The following PTPN1 variants were observed in gnomAD, a reference collection of about 807,000 sequenced individuals.
PTPN1 encodes tyrosine-protein phosphatase non-receptor type 1.
PTPN1 carries 12 observed loss-of-function variants against 59.9 expected under a neutral mutation model. That is an observed-to-expected ratio of 0.20 (90% confidence interval 0.13 to 0.32). PTPN1 has a LOEUF of 0.32. PTPN1 is among the 10% of genes least tolerant of loss of function. The pLI is 1.00. For missense variants in PTPN1, 356 were observed against 549.2 expected, an observed-to-expected ratio of 0.65 and a Z score of 3.52; for synonymous variants, 178 against 203.6, an observed-to-expected ratio of 0.87 and a Z score of 1.07.
Position 50,578,508 on chromosome 20 carries a change from T to C in PTPN1, c.581T>C (p.Phe194Ser). 1 of 1,614,238 alleles carries C rather than the reference T, an allele frequency of 6.2e-7. No individual in the cohort carries two copies. Among genetic ancestry groups the C allele is most frequent in the Non-Finnish European group, 8.5e-7 (1 of 1,180,040 alleles). The change falls in exon 6 of 10, where the codon TTT (phenylalanine) becomes TCT (serine). Residue 194 changes from phenylalanine (F) to serine (S), a missense_variant. Physicochemically the swap from Phe to Ser is radical, Grantham distance 155. This residue lies in a region of PTPN1 where 194 missense variants were observed against 344.2 expected (regional missense o/e 0.56). Coordinates refer to ENST00000371621, the MANE Select transcript of PTPN1 (RefSeq NM_002827.4). The stretch of plus-strand genomic sequence containing the variant: ...GAATCACCAGCCTCATTCTTGAACT[T>C]TCTTTTCAAAGTCCGAGAGTCAGGG... ...VPESPASFLN[F>S]LFKVRESGSL... is the part of the protein sequence containing the mutation.
In PTPN1 at chr20:50,578,405, ATT is replaced by A; in HGVS notation, c.493-11_493-10del. The A allele has an allele frequency of 6.3e-7, 1 of 1,599,982 alleles. No homozygotes were observed. Among genetic ancestry groups the A allele is most frequent in the African/African-American group, 1.3e-5 (1 of 74,590 alleles). On this transcript the variant is annotated splice_polypyrimidine_tract_variant and intron_variant, in intron 5 of 9. Transcript: ENST00000371621. ...TGATTCTTTTAGAATCATCATGAGT[ATT>A]TTTCTCTTTCAGACCCAAGAAACTC...
intron 1 of PTPN1, among the ~76,000 whole-genome samples, chr20:50,554,256 C>A (rs1225412184): frequency 6.6e-6 from 1 of 152,154 alleles, no homozygotes; most frequent in Non-Finnish European, 1.5e-5. Context: ...ATGTGGAGGT[C>A]CACACCTGTA....
At chr20:50,529,919 G>T (rs1305651872) in intron 1 of PTPN1, among the ~76,000 whole-genome samples, 1 of 152,106 alleles carries the variant, frequency 6.6e-6, no homozygotes, top group Non-Finnish European at 1.5e-5. Context: ...CTGTCGCCCA[G>T]GCTGGAGTGC....
intron 1 of PTPN1, among the ~76,000 whole-genome samples, chr20:50,514,900 A>G (rs1318502929): frequency 6.6e-6 from 1 of 152,092 alleles, no homozygotes; most frequent in Non-Finnish European, 1.5e-5. Flanking sequence ...GGGACTTTGG[A>G]GTAGTTGGTG....
At chr20:50,526,218 G>C (rs1158448618) in intron 1 of PTPN1, among the ~76,000 whole-genome samples, 1 of 151,978 alleles carries the variant, frequency 6.6e-6, no homozygotes, top group East Asian at 1.9e-4. Flanking sequence ...CTTGCCTTCT[G>C]TTGTTGTATT....
In PTPN1 at chr20:50,570,114, C is replaced by T. The variant is rs182325149; in HGVS notation, c.354+1636C>T. On this transcript the variant is annotated intron_variant, in intron 4 of 9. Coordinates refer to ENST00000371621, the MANE Select transcript of PTPN1 (RefSeq NM_002827.4). ...GCCACCTTTCCAAAAAAAGCACAGTCATGGCCCTAGAATGTAAAAAATCCA... is the reference window on the plus strand; with the variant it reads ...GCCACCTTTCCAAAAAAAGCACAGTTATGGCCCTAGAATGTAAAAAATCCA... Among the ~76,000 whole-genome samples the T allele has an allele frequency of 3.9e-5, 6 of 152,358 alleles. No individual in the cohort carries two copies. In the East Asian group the frequency reaches 1.2e-3, roughly 29 times the overall value.
Position 50,579,759 on chromosome 20 carries a change from C to T in PTPN1, c.921C>T (p.Pro307=), listed in dbSNP as rs773688523. 7 of 1,613,460 alleles carry T rather than the reference C, an allele frequency of 4.3e-6. No individual in the cohort carries two copies. The highest frequency in any genetic ancestry group is 5.9e-6 in the Non-Finnish European group (7 of 1,179,972). The change falls in exon 8 of 10, where the codon CCC becomes CCT. Residue 307 remains proline (P), a synonymous_variant. Transcript: ENST00000371621. ...EDLEPPPEHI[P]PPPRPPKRIL... is the part of the protein sequence containing the mutation. ...TGGAGCCCCCACCCGAGCATATCCC[C>T]CCACCTCCCCGGCCACCCAAACGAA...
chr20:50,528,678 C>G (rs1279863085), intron 1 of PTPN1, among the ~76,000 whole-genome samples: 1 of 146,224 alleles, frequency 6.8e-6, no homozygotes, highest in Non-Finnish European at 1.5e-5. Flanking sequence ...CACTCCACTG[C>G]ACTCCAGCCT....
intron 1 of PTPN1, among the ~76,000 whole-genome samples, chr20:50,550,663 C>G (rs550072472): frequency 1.3e-5 from 2 of 152,200 alleles, no homozygotes; most frequent in African/African-American, 4.8e-5. Flanking sequence ...GCTTTGGGAA[C>G]CTTTGAAGTA....
intron 1 of PTPN1, among the ~76,000 whole-genome samples, chr20:50,555,755 A>G (rs1375881055): frequency 6.7e-6 from 1 of 150,364 alleles, no homozygotes; most frequent in African/African-American, 2.5e-5. Flanking sequence ...TCTCTCAGGC[A>G]TGCACACACA....
intron 1 of PTPN1, among the ~76,000 whole-genome samples, chr20:50,519,305 CAGAG>C (rs761500614): frequency 1.3e-5 from 2 of 152,178 alleles, no homozygotes; most frequent in Admixed American, 1.3e-4. Flanking sequence ...TTAATACACT[CAGAG>C]AGAGAATCAC....
chr20:50,581,349 G>A lies in PTPN1; in HGVS notation c.1173G>A (p.Glu391=), dbSNP rs149766259. The part of the protein sequence containing the change: ...GAQAASPAKG[E]PSLPEKDEDH... ...AGGCTGCCTCCCCAGCCAAAGGGGA[G>A]CCGTCACTGCCCGAGAAGGACGAGG... is the stretch of plus-strand genomic sequence containing the variant. The change falls in exon 9 of 10, where the codon GAG becomes GAA. Residue 391 remains glutamate (E), a synonymous_variant. Transcript: ENST00000371621. The A allele has an allele frequency of 3.5e-4, 562 of 1,614,136 alleles. 1 individual carries two copies. In the African/African-American group the frequency reaches 4.9e-3, roughly 14 times the overall value.
chr20:50,582,851 C>A lies in PTPN1; in HGVS notation c.*136C>A. 9.3e-7 allele frequency: 1 copy of A among 1,072,950 alleles called. No homozygotes were observed. The highest frequency in any genetic ancestry group is 1.4e-6 in the Non-Finnish European group (1 of 725,504). The allele number at this position is 1,072,950 out of a possible 1,614,324, so 66.5% of individuals were successfully genotyped here. On this transcript the variant is annotated 3_prime_UTR_variant, in exon 10 of 10. Coordinates refer to ENST00000371621, the MANE Select transcript of PTPN1 (RefSeq NM_002827.4). The surrounding 1 kb of genome is among the most constrained non-coding windows in gnomAD (Gnocchi z 4.2). Reference sequence around the variant, plus strand: ...GCCGGGCCCCGGACGGACGTTGGTTCTGCACTAAAACCCATCTTCCCCGGA... The same window carrying A: ...GCCGGGCCCCGGACGGACGTTGGTTATGCACTAAAACCCATCTTCCCCGGA...
intron 1 of PTPN1, among the ~76,000 whole-genome samples, chr20:50,519,678 T>C (rs183578708): frequency 8.5e-4 from 130 of 152,286 alleles, no homozygotes; most frequent in Non-Finnish European, 1.4e-3. Context: ...GGCAAAACTG[T>C]GCTCCCGTAG....
chr20:50,513,602 A>T (rs1158726338), intron 1 of PTPN1, among the ~76,000 whole-genome samples: 1 of 152,186 alleles, frequency 6.6e-6, no homozygotes, highest in Non-Finnish European at 1.5e-5. Context: ...TGAAGGCAAG[A>T]TTTATTCATG....
chr20:50,575,776 CAGTT>C (rs778029976), intron 5 of PTPN1, among the ~76,000 whole-genome samples: 51 of 152,068 alleles, frequency 3.4e-4, no homozygotes, highest in African/African-American at 8.9e-4. Context: ...AAAACAAAAA[CAGTT>C]AGTCAGACAT....
intron 3 of PTPN1, among the ~76,000 whole-genome samples, chr20:50,565,774 T>C (rs2082776030): frequency 6.6e-6 from 1 of 152,204 alleles, no homozygotes; most frequent in Non-Finnish European, 1.5e-5. Flanking sequence ...TTTTTCATCA[T>C]AATTTTTGTT....
intron 1 of PTPN1, among the ~76,000 whole-genome samples, chr20:50,554,763 A>G (rs1456024665): frequency 6.6e-6 from 1 of 152,192 alleles, no homozygotes; most frequent in Non-Finnish European, 1.5e-5. Context: ...TTCGATGCAT[A>G]TTGTAAACCA....
intron 1 of PTPN1, among the ~76,000 whole-genome samples, chr20:50,543,423 C>G (rs2082661109): frequency 6.6e-6 from 1 of 152,184 alleles, no homozygotes; most frequent in African/African-American, 2.4e-5. Context: ...AAAACCAACT[C>G]TATCTAATTA....
Sources: allele counts gnomAD v4.1 joint callset (sites outside exome capture counted in the v4.1 genomes callset), GRCh38; gene constraint gnomAD v4.1.1; regional missense constraint gnomAD v4.1.1; non-coding constraint Gnocchi (gnomAD v3.1); transcripts MANE v1.5; gene names NCBI Gene and HGNC (gene_info 2026-07-23, HGNC 2026-07-21).